Variants in GPC6 observed in about 807,000 individuals in gnomAD.
GPC6 encodes the protein glypican-6.
In GPC6, 14 loss-of-function variants were observed where a neutral mutation model predicts 55.2. That is an observed-to-expected ratio of 0.25 (90% confidence interval 0.17 to 0.40). GPC6 has a LOEUF of 0.40. GPC6 is among the 10% of genes least tolerant of loss of function. The probability of loss-of-function intolerance (pLI) is 1.00; values close to 1 mark genes in which losing one functional copy is unlikely to be tolerated. For missense variants in GPC6, 641 were observed against 708.5 expected, an observed-to-expected ratio of 0.90 and a Z score of 1.08; for synonymous variants, 278 against 259.6, an observed-to-expected ratio of 1.07 and a Z score of -0.68.
At chr13:94,194,190 A>G (rs1372925512) in intron 4 of GPC6, among the ~76,000 whole-genome samples, 1 of 152,216 alleles carries the variant, frequency 6.6e-6, no homozygotes, top group Non-Finnish European at 1.5e-5. Context: ...ATATTTATTT[A>G]TTAAAGTTGC....
intron 4 of GPC6, among the ~76,000 whole-genome samples, chr13:94,067,476 CTG>C (rs368584478): frequency 0.017 from 2,420 of 139,866 alleles, 62 homozygotes; most frequent in South Asian, 0.092. Context: ...CTCTGTCTGT[CTG>C]TCTCTCTCTC....
chr13:94,186,235 A>G (rs767523061), intron 4 of GPC6, among the ~76,000 whole-genome samples: 11 of 152,288 alleles, frequency 7.2e-5, no homozygotes, highest in Admixed American at 5.9e-4. Flanking sequence ...AGGTCATATT[A>G]TTGGAATAGG....
At chr13:94,320,878 A>G (rs936948596) in intron 6 of GPC6, among the ~76,000 whole-genome samples, 1 of 152,242 alleles carries the variant, frequency 6.6e-6, no homozygotes, top group Non-Finnish European at 1.5e-5. Flanking sequence ...GGCATGTACA[A>G]GGTAACTTCC....
At chr13:94,381,720 C>G (rs189467679) in intron 6 of GPC6, among the ~76,000 whole-genome samples, 1 of 152,290 alleles carries the variant, frequency 6.6e-6, no homozygotes, top group African/African-American at 2.4e-5. Context: ...ATTCCTCTTC[C>G]TACCCTTTCT....
intron 6 of GPC6, among the ~76,000 whole-genome samples, chr13:94,372,774 C>A (rs1352902229): frequency 6.6e-6 from 1 of 152,186 alleles, no homozygotes; most frequent in Admixed American, 6.5e-5. Context: ...CACAAACAAA[C>A]AAAAAGACAG....
chr13:93,409,088 G>A (rs1271893487), intron 1 of GPC6, among the ~76,000 whole-genome samples: 2 of 151,742 alleles, frequency 1.3e-5, no homozygotes, highest in Admixed American at 6.6e-5. Flanking sequence ...ACTTCTATAA[G>A]GGTCAAATGA....
chr13:94,281,182 T>C (rs1892368449), intron 4 of GPC6, among the ~76,000 whole-genome samples: 1 of 152,186 alleles, frequency 6.6e-6, no homozygotes, highest in South Asian at 2.1e-4. Flanking sequence ...TATCTTTTTG[T>C]AAATTTTTTA....
chr13:93,906,935 T>C (rs1876701302), intron 3 of GPC6, among the ~76,000 whole-genome samples: 1 of 152,230 alleles, frequency 6.6e-6, no homozygotes, highest in Non-Finnish European at 1.5e-5. Flanking sequence ...TTTTAGTCAC[T>C]AGTTAATGTT....
At chr13:94,047,163 A>G (rs1413496867) in intron 4 of GPC6, among the ~76,000 whole-genome samples, 1 of 152,100 alleles carries the variant, frequency 6.6e-6, no homozygotes, top group African/African-American at 2.4e-5. Flanking sequence ...ATGTATTGGT[A>G]TTCTTGGATA....
chr13:94,020,403 C>T (rs530142343), intron 3 of GPC6, among the ~76,000 whole-genome samples: 8 of 152,180 alleles, frequency 5.3e-5, no homozygotes, highest in African/African-American at 1.4e-4. Context: ...AATGCTTTTT[C>T]GACTGAAATT....
In GPC6 at chr13:94,000,236, A is replaced by G. The variant is rs181144822; in HGVS notation, c.712-27493A>G. 1.5e-3 allele frequency among the ~76,000 whole-genome samples: 221 copies of G among 152,096 alleles called. 1 individual carries two copies. Among genetic ancestry groups the G allele is most frequent in the African/African-American group, 5.0e-3 (208 of 41,470 alleles). On this transcript the variant is annotated intron_variant, in intron 3 of 8. Transcript: ENST00000377047. ...AGAGATCCCAGTCTCTGTACTCACTACTCTATTTCTAGCACCTGACAAATA... is the reference window on the plus strand; with the variant it reads ...AGAGATCCCAGTCTCTGTACTCACTGCTCTATTTCTAGCACCTGACAAATA...
At chr13:94,249,544 C>T (rs1166758556) in intron 4 of GPC6, among the ~76,000 whole-genome samples, 1 of 152,106 alleles carries the variant, frequency 6.6e-6, no homozygotes. Context: ...TTAATCATTT[C>T]ATCTAACCAT....
At chr13:93,668,341 G>C (rs1288893638) in intron 2 of GPC6, among the ~76,000 whole-genome samples, 1 of 152,158 alleles carries the variant, frequency 6.6e-6, no homozygotes, top group Non-Finnish European at 1.5e-5. Flanking sequence ...CCTGAAGCAT[G>C]ATGAGTTAAA....
intron 1 of GPC6, among the ~76,000 whole-genome samples, chr13:93,353,577 A>C (rs1372026554): frequency 1.3e-5 from 2 of 152,224 alleles, no homozygotes; most frequent in South Asian, 2.1e-4. Context: ...GTTTAAGAAG[A>C]AGCCAGCAGA....
intron 1 of GPC6, among the ~76,000 whole-genome samples, chr13:93,243,959 C>T (rs968990002): frequency 1.3e-5 from 2 of 151,852 alleles, no homozygotes; most frequent in Admixed American, 6.6e-5. Flanking sequence ...ATGGGCAGGG[C>T]CGTGGAACTC....
intron 4 of GPC6, among the ~76,000 whole-genome samples, chr13:94,266,520 A>C (rs1357747264): frequency 6.6e-6 from 1 of 151,258 alleles, no homozygotes; most frequent in Non-Finnish European, 1.5e-5. Context: ...TCCAACTTAC[A>C]CTCTTCCCCA....
chr13:93,481,387 G>A (rs1038434156), intron 1 of GPC6, among the ~76,000 whole-genome samples: 18 of 151,810 alleles, frequency 1.2e-4, no homozygotes, highest in African/African-American at 4.4e-4. Context: ...TCTGTGTATT[G>A]TCTTTTCACT....
chr13:93,594,375 T>C (rs1174534463), intron 2 of GPC6, among the ~76,000 whole-genome samples: 1 of 152,134 alleles, frequency 6.6e-6, no homozygotes, highest in Non-Finnish European at 1.5e-5. Context: ...TGTGTCCATA[T>C]GTCCTCATCA....
At chr13:94,201,913 C>T (rs530616302) in intron 4 of GPC6, among the ~76,000 whole-genome samples, 45 of 152,162 alleles carry the variant, frequency 3.0e-4, no homozygotes, top group African/African-American at 1.0e-3. Flanking sequence ...TGTGCCACTG[C>T]GCTCCAGCCT....
Sources: allele counts gnomAD v4.1 joint callset (sites outside exome capture counted in the v4.1 genomes callset), GRCh38; gene constraint gnomAD v4.1.1; transcripts MANE v1.5; gene names NCBI Gene and HGNC (gene_info 2026-07-23, HGNC 2026-07-21).